ZNF154: variants seen among roughly 807,000 people sequenced by gnomAD.
The protein encoded by ZNF154 is zinc finger protein 154 (pHZ-92).
Under a neutral mutation model 7.5 loss-of-function variants are expected in ZNF154, and 6 were observed. The ratio of observed to expected loss-of-function variants is 0.80; its 90% CI spans 0.44 to 1.57. ZNF154 has a LOEUF of 1.57. Ranked by LOEUF, ZNF154 falls within the 40% of genes most tolerant of loss-of-function variation. The pLI is 0.01. For synonymous variants in ZNF154, 187 were observed against 185.9 expected (o/e 1.01, Z -0.05); for missense variants, 485 against 531.4 (o/e 0.91, Z 0.86).
chr19:57,702,344 G>C lies in ZNF154; in HGVS notation c.605C>G (p.Ser202Cys). The C allele has an allele frequency of 6.2e-7, 1 of 1,612,894 alleles. No homozygotes were observed. The highest frequency in any genetic ancestry group is 1.1e-5 in the South Asian group (1 of 91,056). The change falls in exon 3 of 3, where the codon TCT becomes TGT. Residue 202 changes from serine (S) to cysteine (C), a missense_variant. Ser to Cys is a moderately radical substitution (Grantham distance 112). Coordinates refer to ENST00000684351, the MANE Select transcript of ZNF154 (RefSeq NM_001085384.3). ...RECGKSFRQS[S>C]SLIQHRRVHT... ...AACTCTCCGGTGCTGAATGAGACTA[G>C]AGCTTTGCCTAAAGGACTTCCCACA...
Position 57,702,216 on chromosome 19 carries a change from A to G in ZNF154, c.733T>C (p.Tyr245His), listed in dbSNP as rs748714678. ...HRRVHTGERP[Y>H]ECSECGKSFS... ...GATTTCCCACATTCACTGCACTCAT[A>G]TGGCCTTTCCCCAGTGTGAACTCTC... Residue 245 changes from tyrosine to histidine, a missense_variant, in exon 3 of 3, where the codon TAT becomes CAT. By Grantham distance (83) the Tyr-to-His change is moderately conservative (BLOSUM62 2). Coordinates refer to ENST00000684351, the MANE Select transcript of ZNF154 (RefSeq NM_001085384.3). The G allele has an allele frequency of 6.2e-7, 1 of 1,614,190 alleles. No homozygotes were observed. Among genetic ancestry groups the G allele is most frequent in the Non-Finnish European group, 8.5e-7 (1 of 1,180,018 alleles).
At position 57,709,152 on chromosome 19, in the gene ZNF154, C is replaced by G. The variant is rs1293100656; in HGVS notation, c.-181G>C. 2 of 743,348 alleles carry G rather than the reference C, an allele frequency of 2.7e-6. No homozygotes were observed. Among genetic ancestry groups the G allele is most frequent in the East Asian group, 5.5e-5 (2 of 36,696 alleles). 46.0% of individuals were successfully genotyped at this position (743,348 alleles called of 1,614,324 possible). A position where few individuals can be genotyped will look rare whatever the true frequency, so the allele number is the denominator to read the frequency against. On this transcript the variant is annotated 5_prime_UTR_variant, in exon 1 of 3. Transcript: ENST00000684351. ...GCCTTCGTGGCCCCAACTCGGCGCT[C>G]TGCTATCTCTGATCCGGTGAACACA...
At chr19:57,703,118 G>A (rs1038744128) in intron 2 of ZNF154, among the ~76,000 whole-genome samples, 8 of 152,218 alleles carry the variant, frequency 5.3e-5, no homozygotes, top group African/African-American at 1.9e-4. Flanking sequence ...CCAGGAACAA[G>A]TCCATGGGAT....
chr19:57,705,623 G>A (rs962400738), intron 1 of ZNF154, among the ~76,000 whole-genome samples: 2 of 151,990 alleles, frequency 1.3e-5, no homozygotes, highest in African/African-American at 4.8e-5. Context: ...GCGTGGTGAA[G>A]CACACCTGTA....
chr19:57,696,463 T>C lies in ZNF154; in HGVS notation c.*5172A>G, dbSNP rs566276844. On this transcript the variant is annotated 3_prime_UTR_variant, in exon 3 of 3. Transcript: ENST00000684351. ...CCAGAGAGTACTGTGAGCACTCCTA[T>C]TCCACAAACATAAAACTGAGGTACC... Among the ~76,000 whole-genome samples, 36 of 152,222 alleles carry C rather than the reference T, an allele frequency of 2.4e-4. No individual in the cohort carries two copies. Among genetic ancestry groups the C allele is most frequent in the African/African-American group, 8.4e-4 (35 of 41,540 alleles).
Position 57,708,995 on chromosome 19 carries a change from C to T in ZNF154, c.-24G>A. On this transcript the variant is annotated 5_prime_UTR_variant, in exon 1 of 3. Coordinates refer to ENST00000684351, the MANE Select transcript of ZNF154 (RefSeq NM_001085384.3). ...ATCAGACTCTGCGGGTAGAGCTGGG[C>T]CGGGAGCGACGGGCGACATTGGTAG... The T allele has an allele frequency of 6.4e-7, 1 of 1,554,468 alleles. No individual in the cohort carries two copies. Among genetic ancestry groups the T allele is most frequent in the Non-Finnish European group, 8.7e-7 (1 of 1,149,938 alleles).
intron 1 of ZNF154, 45 bp downstream of exon 1, chr19:57,708,894 G>T: frequency 6.4e-7 from 1 of 1,552,284 alleles, no homozygotes; most frequent in Non-Finnish European, 8.7e-7. Context: ...GCTTTAGAAC[G>T]TGGGTGGGGG....
intron 1 of ZNF154, among the ~76,000 whole-genome samples, chr19:57,708,576 A>AG (rs1985492468): frequency 6.6e-6 from 1 of 152,154 alleles, no homozygotes; most frequent in Non-Finnish European, 1.5e-5. Flanking sequence ...TCCGTCTCAA[A>AG]GAAAAAAAAA....
At position 57,705,770 on chromosome 19, in the gene ZNF154, G is replaced by A. The variant is rs78087389; in HGVS notation, c.34-791C>T. Among the ~76,000 whole-genome samples, 261 of 104,150 alleles carry A rather than the reference G, an allele frequency of 2.5e-3. 2 individuals carry two copies. Among genetic ancestry groups the A allele is most frequent in the Non-Finnish European group, 2.8e-3 (128 of 46,220 alleles). The allele number at this position is 104,150 out of a possible 152,430, so 68.3% of individuals were successfully genotyped here. On this transcript the variant is annotated intron_variant, in intron 1 of 2. Transcript: ENST00000684351. ...CTCCGTCTCAAAAAAAAAAAAAAAAGAAAGATGATATAGCAGTTTATTAAT... is the reference window on the plus strand; with the variant it reads ...CTCCGTCTCAAAAAAAAAAAAAAAAAAAAGATGATATAGCAGTTTATTAAT...
intron 2 of ZNF154, among the ~76,000 whole-genome samples, chr19:57,703,579 G>A (rs1359885319): frequency 6.6e-6 from 1 of 151,896 alleles, no homozygotes; most frequent in Non-Finnish European, 1.5e-5. Context: ...AGAGAGGCAG[G>A]GTCTAAAACT....
In ZNF154 at chr19:57,702,728, G is replaced by T; in HGVS notation, c.221C>A (p.Ala74Asp). Residue 74 changes from alanine (A) to aspartate (D), a missense_variant, in exon 3 of 3, where the codon GCC becomes GAC. Coordinates refer to ENST00000684351, the MANE Select transcript of ZNF154 (RefSeq NM_001085384.3). ...GAATGTGCAGGTCTTCACAAACAAG[G>T]CTCTGCCCACATTGCTTCTGAAATG... ...EKHFRSNVGR[A>D]LFVKTCTFHV... 1 of 1,608,416 alleles carries T rather than the reference G, an allele frequency of 6.2e-7. No individual in the cohort carries two copies.
chr19:57,703,532 C>T (rs907285709), intron 2 of ZNF154, among the ~76,000 whole-genome samples: 2 of 145,102 alleles, frequency 1.4e-5, no homozygotes, highest in Admixed American at 6.9e-5. Context: ...TGGGAGATCT[C>T]AAGAGGTAAA....
At chr19:57,705,292 C>G (rs1271273027) in intron 1 of ZNF154, among the ~76,000 whole-genome samples, 1 of 152,292 alleles carries the variant, frequency 6.6e-6, no homozygotes, top group East Asian at 1.9e-4. Context: ...CTCCAGACAC[C>G]ACAGCCCCAA....
chr19:57,703,484 C>CAAAA (rs3062223), intron 2 of ZNF154, among the ~76,000 whole-genome samples: 126 of 75,104 alleles, frequency 1.7e-3, no homozygotes, highest in Non-Finnish European at 1.9e-3. Flanking sequence ...GACTCCGTCT[C>CAAAA]AAAAAAAAAA....
intron 1 of ZNF154, among the ~76,000 whole-genome samples, chr19:57,707,478 A>G (rs4801515): frequency 0.16 from 24,671 of 152,032 alleles, 2,091 homozygotes; most frequent in Non-Finnish European, 0.17. Flanking sequence ...CACATCTCCT[A>G]ATCAATGACT....
chr19:57,704,868 G>A lies in ZNF154; in HGVS notation c.145C>T (p.Leu49Phe). ...YRDVMLENLALLTSLDVHHQK... is the reference protein window; with the variant it reads ...YRDVMLENLAFLTSLDVHHQK... ...AGAACCTTACCTAGAGAGGTTAAAA[G>A]AGCCAAGTTCTCCAGCATCACATCA... is the stretch of plus-strand genomic sequence containing the variant. Residue 49 changes from leucine to phenylalanine, a missense_variant, in exon 2 of 3, where the codon CTT becomes TTT. By Grantham distance (22) the Leu-to-Phe change is conservative. Transcript: ENST00000684351. 1.9e-6 allele frequency: 3 copies of A among 1,612,848 alleles called. No homozygotes were observed. The highest frequency in any genetic ancestry group is 2.5e-6 in the Non-Finnish European group (3 of 1,179,588).
chr19:57,702,403 A>C lies in ZNF154; in HGVS notation c.546T>G (p.Leu182=), dbSNP rs1985209232. 1 of 1,612,574 alleles carries C rather than the reference A, an allele frequency of 6.2e-7. No individual in the cohort carries two copies. The highest frequency in any genetic ancestry group is 1.3e-5 in the African/African-American group (1 of 74,886). ...KSYSLNDHWR[L]HTGEKPYECR... is the part of the protein sequence containing the mutation. ...ATTCATAAGGCTTTTCTCCAGTGTGAAGTCTCCAATGGTCATTGAGACTGT... is the reference window on the plus strand; with the variant it reads ...ATTCATAAGGCTTTTCTCCAGTGTGCAGTCTCCAATGGTCATTGAGACTGT... The change falls in exon 3 of 3, where the codon CTT becomes CTG. Residue 182 remains leucine, a synonymous_variant. Coordinates refer to ENST00000684351, the MANE Select transcript of ZNF154 (RefSeq NM_001085384.3).
chr19:57,707,664 C>T (rs1985447119), intron 1 of ZNF154, among the ~76,000 whole-genome samples: 2 of 152,208 alleles, frequency 1.3e-5, no homozygotes, highest in Admixed American at 1.3e-4. Flanking sequence ...CCCAACTTCT[C>T]AGGCAGCCAC....
Position 57,708,760 on chromosome 19 carries a change from C to T in ZNF154, c.33+179G>A, listed in dbSNP as rs375066767. Among the ~76,000 whole-genome samples the T allele has an allele frequency of 2.7e-4, 41 of 152,308 alleles. No homozygotes were observed. In the East Asian group the frequency reaches 6.0e-3, roughly 22 times the overall value. ...CCTCAACCTTTGCACGCGCCGGTTC[C>T]TCCGCCTGTCACGCTCTCCCACACC... On this transcript the variant is annotated intron_variant, in intron 1 of 2. Coordinates refer to ENST00000684351, the MANE Select transcript of ZNF154 (RefSeq NM_001085384.3).
Sources: allele counts gnomAD v4.1 joint callset (sites outside exome capture counted in the v4.1 genomes callset), GRCh38; gene constraint gnomAD v4.1.1; transcripts MANE v1.5; gene names NCBI Gene and HGNC (gene_info 2026-07-23, HGNC 2026-07-21).